Variants in TRPC5 observed in about 807,000 individuals in gnomAD.
The protein encoded by TRPC5 is short transient receptor potential channel 5.
Under a neutral mutation model 56.5 loss-of-function variants are expected in TRPC5, and 9 were observed. The ratio of observed to expected loss-of-function variants is 0.16; its 90% CI spans 0.10 to 0.28. The LOEUF (loss-of-function observed/expected upper bound fraction) is 0.28. Among genes scored for constraint, TRPC5 ranks in the 10% least tolerant of loss-of-function variants. The probability of loss-of-function intolerance (pLI) is 1.00; values close to 1 mark genes in which losing one functional copy is unlikely to be tolerated. For missense variants in TRPC5, 469 were observed against 748.9 expected (o/e 0.63, Z 4.36); for synonymous variants, 282 against 278.5 (o/e 1.01, Z -0.13).
chrX:111,785,205 G>T (rs1209811400), intron 7 of TRPC5, among the ~76,000 whole-genome samples: 1 of 112,017 alleles, frequency 8.9e-6, no homozygotes, highest in East Asian at 2.8e-4. Flanking sequence ...GGATTAGGCA[G>T]TAATATTTGC....
At chrX:111,834,168 T>C (rs1007377513) in intron 7 of TRPC5, among the ~76,000 whole-genome samples, 1 of 112,446 alleles carries the variant, frequency 8.9e-6, no homozygotes, top group Non-Finnish European at 1.9e-5. Flanking sequence ...ACACTTTCAC[T>C]ATTTCTAGTC....
At chrX:112,005,172 G>A (rs1928802316) in intron 1 of TRPC5, among the ~76,000 whole-genome samples, 1 of 111,119 alleles carries the variant, frequency 9.0e-6, no homozygotes, top group African/African-American at 3.3e-5. Flanking sequence ...GACATGGATA[G>A]AGCTGGAAGC....
At chrX:111,957,241 T>C (rs1419182178) in intron 1 of TRPC5, among the ~76,000 whole-genome samples, 2 of 112,034 alleles carry the variant, frequency 1.8e-5, no homozygotes, top group Non-Finnish European at 3.8e-5. Flanking sequence ...GTCCATTCAT[T>C]CATTCAGCAA....
intron 2 of TRPC5, among the ~76,000 whole-genome samples, chrX:111,951,165 T>C (rs889881485): frequency 8.9e-6 from 1 of 112,006 alleles, no homozygotes; most frequent in Middle Eastern, 4.2e-3. Flanking sequence ...TGATTGTACA[T>C]GAGAATCCTC....
At chrX:111,814,930 C>T (rs1921814087) in intron 7 of TRPC5, among the ~76,000 whole-genome samples, 1 of 111,410 alleles carries the variant, frequency 9.0e-6, no homozygotes, top group South Asian at 3.9e-4. Flanking sequence ...GCTCTCCCAT[C>T]CTCATGTTCC....
At chrX:111,956,612 G>A (rs190955854) in intron 1 of TRPC5, among the ~76,000 whole-genome samples, 1 of 111,274 alleles carries the variant, frequency 9.0e-6, no homozygotes, top group Non-Finnish European at 1.9e-5. Flanking sequence ...ACAGGGGTGG[G>A]CTGGTCGTGG....
At chrX:111,972,794 C>A (rs1382635926) in intron 1 of TRPC5, among the ~76,000 whole-genome samples, 1 of 112,169 alleles carries the variant, frequency 8.9e-6, no homozygotes, top group Non-Finnish European at 1.9e-5. Flanking sequence ...TCCTCACAAA[C>A]CCCCTTGTCT....
In TRPC5 at chrX:111,926,991, G is replaced by A. The variant is rs753241738; in HGVS notation, c.379-14179C>T. Among the ~76,000 whole-genome samples, 139 of 112,341 alleles carry A rather than the reference G, an allele frequency of 1.2e-3. 1 individual carries two copies. The highest frequency in any genetic ancestry group is 4.6e-3 in the Middle Eastern group (1 of 217). On this transcript the variant is annotated intron_variant, in intron 2 of 10. Coordinates refer to ENST00000262839, the MANE Select transcript of TRPC5 (RefSeq NM_012471.3). ...TGTAAATGTAGGCAGTGGTCTAGGA[G>A]GAAGGTGATTAGGTGATTAGTATTG...
intron 2 of TRPC5, among the ~76,000 whole-genome samples, chrX:111,943,328 A>G (rs1183081946): frequency 9.0e-6 from 1 of 111,659 alleles, no homozygotes; most frequent in Non-Finnish European, 1.9e-5. Context: ...TAGGCTAGAC[A>G]TTTTATTTTC....
rs6655163 is a variant in TRPC5, at chrX:111,806,389, A to G, written c.1897-24251T>C. 2.1e-3 allele frequency among the ~76,000 whole-genome samples: 236 copies of G among 112,089 alleles called. 2 individuals are homozygous for G. The highest frequency in any genetic ancestry group is 7.2e-3 in the African/African-American group (221 of 30,897). On this transcript the variant is annotated intron_variant, in intron 7 of 10. Coordinates refer to ENST00000262839, the MANE Select transcript of TRPC5 (RefSeq NM_012471.3). ...CTCAACCAAGGAAGGATTTTCTTCC[A>G]AATTCACTTACATGGTTGTTGGCAG...
At chrX:111,924,989 T>A (rs1279758929) in intron 2 of TRPC5, among the ~76,000 whole-genome samples, 1 of 112,625 alleles carries the variant, frequency 8.9e-6, no homozygotes, top group Non-Finnish European at 1.9e-5. Flanking sequence ...CTGATTGCTG[T>A]CACATAGAGG....
intron 1 of TRPC5, among the ~76,000 whole-genome samples, chrX:111,963,435 G>A (rs1927454250): frequency 8.9e-6 from 1 of 112,261 alleles, no homozygotes; most frequent in African/African-American, 3.2e-5. Flanking sequence ...AGTAACCTCT[G>A]CAGACTTAAA....
chrX:111,854,344 C>T (rs1226354859), intron 3 of TRPC5, among the ~76,000 whole-genome samples: 2 of 111,736 alleles, frequency 1.8e-5, no homozygotes, highest in African/African-American at 6.5e-5. Context: ...AAAACAAAAT[C>T]ACTCTGTCTG....
At chrX:111,848,664 G>A (rs966259309) in intron 5 of TRPC5, among the ~76,000 whole-genome samples, 2 of 112,396 alleles carry the variant, frequency 1.8e-5, no homozygotes, top group African/African-American at 6.5e-5. Flanking sequence ...GGAAACTGGT[G>A]CGTTTAAAAT....
intron 3 of TRPC5, among the ~76,000 whole-genome samples, chrX:111,865,094 C>A (rs1026325547): frequency 2.7e-5 from 3 of 110,899 alleles, no homozygotes; most frequent in African/African-American, 9.9e-5. Context: ...TAGCTCACTG[C>A]AATCTCCGCC....
chrX:111,926,477 G>A (rs191518924), intron 2 of TRPC5, among the ~76,000 whole-genome samples: 30 of 111,691 alleles, frequency 2.7e-4, no homozygotes, highest in African/African-American at 9.1e-4. Flanking sequence ...ACTACCTTAC[G>A]GGGCAGCATA....
At chrX:112,038,668 G>C (rs1294240739) in intron 1 of TRPC5, among the ~76,000 whole-genome samples, 1 of 110,463 alleles carries the variant, frequency 9.1e-6, no homozygotes. Flanking sequence ...GTCCTATAGG[G>C]CCTCACTTTT....
intron 3 of TRPC5, among the ~76,000 whole-genome samples, chrX:111,905,352 TAACC>T (rs745965670): frequency 0.016 from 1,749 of 110,672 alleles, 37 homozygotes; most frequent in African/African-American, 0.054. Context: ...ACAAACCAAC[TAACC>T]AACCAACCAA....
At chrX:111,868,447 C>T (rs987411540) in intron 3 of TRPC5, among the ~76,000 whole-genome samples, 2 of 112,618 alleles carry the variant, frequency 1.8e-5, no homozygotes, top group African/African-American at 6.4e-5. Flanking sequence ...TGGTTATTTT[C>T]AGATTATTTT....
Sources: allele counts gnomAD v4.1 joint callset (sites outside exome capture counted in the v4.1 genomes callset), GRCh38; gene constraint gnomAD v4.1.1; transcripts MANE v1.5; gene names NCBI Gene and HGNC (gene_info 2026-07-23, HGNC 2026-07-21).